MGRN1: variants seen among roughly 807,000 people sequenced by gnomAD.
MGRN1 encodes the protein E3 ubiquitin-protein ligase MGRN1.
MGRN1 carries 29 observed loss-of-function variants against 69.2 expected under a neutral mutation model. The ratio of observed to expected loss-of-function variants is 0.42; its 90% CI spans 0.31 to 0.57. The LOEUF (loss-of-function observed/expected upper bound fraction) is 0.57. MGRN1 is among the 20% of genes least tolerant of loss of function. The pLI, the probability that MGRN1 is intolerant of heterozygous loss-of-function variation, is 0.15. For missense variants in MGRN1, 998 were observed against 796.2 expected, an observed-to-expected ratio of 1.25 and a Z score of -3.05; for synonymous variants, 470 against 344.2, an observed-to-expected ratio of 1.37 and a Z score of -4.04.
At chr16:4,643,865 A>G (rs2078216578) in intron 1 of MGRN1, among the ~76,000 whole-genome samples, 3 of 152,234 alleles carry the variant, frequency 2.0e-5, no homozygotes, top group African/African-American at 7.2e-5. Context: ...AACATTGGAA[A>G]TATGTCTCTT....
chr16:4,650,782 C>T lies in MGRN1; in HGVS notation c.207+299C>T, dbSNP rs572579410. On this transcript the variant is annotated intron_variant, in intron 2 of 16. Transcript: ENST00000262370. ...GGAACATGGTGGATTTGATTCCAGC[C>T]TTCTTGGATGACTTTCTTTACAAGG... is the stretch of plus-strand genomic sequence containing the variant. The T allele has an allele frequency of 2.9e-5, 8 of 278,390 alleles. No homozygotes were observed. The South Asian group carries it at 8.2e-4, about 28-fold the overall frequency. The allele number at this position is 278,390 out of a possible 1,614,324, so 17.2% of individuals were successfully genotyped here. A position where few individuals can be genotyped will look rare whatever the true frequency, so the allele number is the denominator to read the frequency against.
At chr16:4,682,688 T>A in intron 13 of MGRN1, 135 bp from the exon 14 acceptor site, 1 of 1,073,904 alleles carries the variant, frequency 9.3e-7, no homozygotes. Context: ...GGTGATGCCC[T>A]TCTCCAGGGA....
intron 5 of MGRN1, 36 bp downstream of exon 5, chr16:4,657,399 C>A: frequency 6.3e-7 from 1 of 1,575,750 alleles, no homozygotes; most frequent in South Asian, 1.1e-5. Flanking sequence ...CCCTTCGCTC[C>A]TCCTGAATTC....
intron 5 of MGRN1, 187 bp from the exon 6 acceptor site, chr16:4,664,520 GTT>G (rs2078754381): frequency 1.6e-6 from 1 of 621,192 alleles, no homozygotes; most frequent in Admixed American, 2.9e-5. Flanking sequence ...TGTTGTATCT[GTT>G]TTAACACACA....
At position 4,674,929 on chromosome 16, in the gene MGRN1, C is replaced by T. The variant is rs942145419; in HGVS notation, c.955+1272C>T. Among the ~76,000 whole-genome samples the T allele has an allele frequency of 7.9e-5, 12 of 151,484 alleles. No homozygotes were observed. In the South Asian group the frequency reaches 1.0e-3, roughly 13 times the overall value. ...TGCTGGGATTACAGGCGTGAGCCAC[C>T]GCGCCTGGCCGAGCCACCGCTTTTT... is the stretch of plus-strand genomic sequence containing the variant. On this transcript the variant is annotated intron_variant, in intron 10 of 16. Transcript: ENST00000262370.
At chr16:4,688,355 G>A in intron 16 of MGRN1, 1 of 993,394 alleles carries the variant, frequency 1.0e-6, no homozygotes, top group Non-Finnish European at 1.2e-6. Flanking sequence ...GCTACTCTGA[G>A]CACGGGCTTG....
At chr16:4,677,913 A>G (rs568750070) in intron 11 of MGRN1, among the ~76,000 whole-genome samples, 2 of 149,476 alleles carry the variant, frequency 1.3e-5, no homozygotes, top group Non-Finnish European at 3.0e-5. Flanking sequence ...AAGTGGTGCA[A>G]TGTCAGCTCA....
chr16:4,666,392 A>T (rs2078806789), intron 7 of MGRN1, among the ~76,000 whole-genome samples: 1 of 152,176 alleles, frequency 6.6e-6, no homozygotes, highest in South Asian at 2.1e-4. Flanking sequence ...TTGGCCTTCC[A>T]AAGTGCTGGG....
chr16:4,668,540 TAC>T (rs1295371094), intron 8 of MGRN1, among the ~76,000 whole-genome samples: 1 of 150,210 alleles, frequency 6.7e-6, no homozygotes, highest in Non-Finnish European at 1.5e-5. Flanking sequence ...GACACACACA[TAC>T]ACACATAAAC....
intron 5 of MGRN1, 35 bp downstream of exon 5, chr16:4,657,398 C>G: frequency 6.3e-7 from 1 of 1,583,512 alleles, no homozygotes; most frequent in Non-Finnish European, 8.7e-7. Context: ...GCCCTTCGCT[C>G]CTCCTGAATT....
intron 5 of MGRN1, among the ~76,000 whole-genome samples, chr16:4,663,129 T>C (rs1030471674): frequency 2.0e-5 from 3 of 151,942 alleles, no homozygotes; most frequent in Non-Finnish European, 2.9e-5. Context: ...AGTGGTGTGA[T>C]CTCGGCTCAC....
At chr16:4,683,017 C>G (rs2079224005) in intron 14 of MGRN1, 71 bp downstream of exon 14, 1 of 1,488,784 alleles carries the variant, frequency 6.7e-7, no homozygotes, top group Non-Finnish European at 9.0e-7. Context: ...TCGCTGGAAT[C>G]AGACCCCATC....
At chr16:4,641,272 C>T (rs777228956) in intron 1 of MGRN1, among the ~76,000 whole-genome samples, 1 of 152,232 alleles carries the variant, frequency 6.6e-6, no homozygotes, top group African/African-American at 2.4e-5. Flanking sequence ...TCCTCCTGCC[C>T]CATCAGGGAC....
Position 4,657,246 on chromosome 16 carries a change from A to C in MGRN1, c.444A>C (p.Val148=). ...ACTGCTTGCTCCTGGCTCCCTGCAGATACAGCCCCAAGAGCCCCTCGCTAC... is the reference window on the plus strand; with the variant it reads ...ACTGCTTGCTCCTGGCTCCCTGCAGCTACAGCCCCAAGAGCCCCTCGCTAC... ...ASEEFLNGRA[V]YSPKSPSLQS... The change falls in exon 5 of 17, where the codon GTA becomes GTC. Residue 148 remains valine (V), a splice_region_variant and synonymous_variant. Coordinates refer to ENST00000262370, the MANE Select transcript of MGRN1 (RefSeq NM_015246.4). 1.9e-6 allele frequency: 3 copies of C among 1,613,544 alleles called. No homozygotes were observed. Among genetic ancestry groups the C allele is most frequent in the Non-Finnish European group, 2.5e-6 (3 of 1,179,570 alleles).
intron 13 of MGRN1, among the ~76,000 whole-genome samples, chr16:4,682,111 C>G (rs1221177770): frequency 6.6e-6 from 1 of 152,198 alleles, no homozygotes; most frequent in Non-Finnish European, 1.5e-5. Context: ...CTCTGGGTTC[C>G]CAGACTTCAT....
At chr16:4,684,217 G>A (rs1417255318) in intron 16 of MGRN1, among the ~76,000 whole-genome samples, 3 of 152,360 alleles carry the variant, frequency 2.0e-5, no homozygotes, top group African/African-American at 7.2e-5. Flanking sequence ...TGAGAGACGC[G>A]AGAGAGGCTG....
At chr16:4,650,057 C>T in intron 1 of MGRN1, 2 of 224,866 alleles carry the variant, frequency 8.9e-6, no homozygotes, top group East Asian at 1.4e-4. Flanking sequence ...AATCCCAGAA[C>T]CTTGGGAGGC....
At position 4,690,912 on chromosome 16, in the gene MGRN1, A is replaced by G. The variant is rs1311070064; in HGVS notation, c.*2004A>G. On this transcript the variant is annotated 3_prime_UTR_variant, in exon 17 of 17. Transcript: ENST00000262370. ...CCATGTGCTGCCGTCTGATGTGCTC[A>G]GATGGGCTCATCGTTGGTTCGTTTT... 6.6e-6 allele frequency: 1 copy of G among 152,072 alleles called. No homozygotes were observed. Among genetic ancestry groups the G allele is most frequent in the East Asian group, 1.9e-4 (1 of 5,168 alleles). The allele number at this position is 152,072 out of a possible 1,614,324, so 9.4% of individuals were successfully genotyped here.
intron 8 of MGRN1, among the ~76,000 whole-genome samples, chr16:4,668,737 T>G (rs1390964583): frequency 6.7e-6 from 1 of 149,632 alleles, no homozygotes; most frequent in Non-Finnish European, 1.5e-5. Context: ...CATAGACACA[T>G]ACTGATACAC....
Sources: gnomAD v4.1 joint callset for allele counts (sites outside exome capture counted in the v4.1 genomes callset) on GRCh38, gnomAD v4.1.1 for gene constraint, MANE v1.5 for transcripts, NCBI Gene and HGNC (gene_info 2026-07-23, HGNC 2026-07-21) for gene names.